Variants in EIF4G3 observed in about 807,000 individuals in gnomAD.
The protein encoded by EIF4G3 is eIF-4-gamma 3.
In EIF4G3, 34 loss-of-function variants were observed where a neutral mutation model predicts 186.4. That is an observed-to-expected ratio of 0.18 (90% CI 0.14 to 0.24). EIF4G3 has a LOEUF of 0.24. Among genes scored for constraint, EIF4G3 ranks in the 10% least tolerant of loss-of-function variants. EIF4G3 has a pLI of 1.00. For synonymous variants in EIF4G3, 673 were observed against 679.5 expected (o/e 0.99, Z 0.15); for missense variants, 1,536 against 1,948.5 (o/e 0.79, Z 3.99).
At chr1:21,157,007 A>G (rs2097673390) in intron 2 of EIF4G3, among the ~76,000 whole-genome samples, 2 of 152,146 alleles carry the variant, frequency 1.3e-5, no homozygotes, top group Non-Finnish European at 2.9e-5. Flanking sequence ...GCAGTGAGCC[A>G]TGATCGTACC....
intron 34 of EIF4G3, among the ~76,000 whole-genome samples, chr1:20,815,668 C>CT (rs2060491113): frequency 6.8e-6 from 1 of 147,038 alleles, no homozygotes. Flanking sequence ...GTCAGCCCCC[C>CT]GCCCGGCCAG....
intron 35 of EIF4G3, among the ~76,000 whole-genome samples, chr1:20,811,988 AT>A (rs1406120771): frequency 6.6e-6 from 1 of 152,224 alleles, no homozygotes; most frequent in Non-Finnish European, 1.5e-5. Context: ...GGCAGATAAC[AT>A]ACCTAATCTA....
In EIF4G3 at chr1:20,846,475, A is replaced by C. The variant is rs574380826; in HGVS notation, c.3888+2940T>G. The stretch of plus-strand genomic sequence containing the variant: ...TGCTTCTTTTTGTCTTTGAGCTTTT[A>C]GTTGAAATGATACTTCCTGTCTTCC... On this transcript the variant is annotated intron_variant, in intron 29 of 36. Transcript: ENST00000602326. Among the ~76,000 whole-genome samples, 11 of 152,272 alleles carry C rather than the reference A, an allele frequency of 7.2e-5. 1 individual carries two copies. In the South Asian group the frequency reaches 2.3e-3, roughly 32 times the overall value.
intron 23 of EIF4G3, 108 bp downstream of exon 23, chr1:20,862,120 G>T: frequency 1.6e-6 from 1 of 637,630 alleles, no homozygotes; most frequent in Non-Finnish European, 2.5e-6. Context: ...GAGTCCTGAA[G>T]CAAAAGCACT....
intron 12 of EIF4G3, among the ~76,000 whole-genome samples, chr1:20,963,486 G>T (rs1262081572): frequency 6.6e-6 from 1 of 152,044 alleles, no homozygotes; most frequent in East Asian, 1.9e-4. Context: ...AATGGTAGGA[G>T]AGATTGTATC....
At chr1:21,045,388 A>T (rs1019100377) in intron 4 of EIF4G3, among the ~76,000 whole-genome samples, 1 of 152,234 alleles carries the variant, frequency 6.6e-6, no homozygotes, top group Non-Finnish European at 1.5e-5. Context: ...ACAATAAAGT[A>T]TCTAACCAGT....
chr1:20,868,800 C>G lies in EIF4G3; in HGVS notation c.2623-3538G>C, dbSNP rs971835616. The stretch of plus-strand genomic sequence containing the variant: ...TGTTTTAGGAAGGCTGCTTGATAAG[C>G]TGAATTCACTAGAAAGCACCTAGCT... On this transcript the variant is annotated intron_variant, in intron 20 of 36. Coordinates refer to ENST00000602326, the MANE Select transcript of EIF4G3 (RefSeq NM_001391906.1). Among the ~76,000 whole-genome samples, 5 of 152,126 alleles carry G rather than the reference C, an allele frequency of 3.3e-5. No homozygotes were observed. In the East Asian group the frequency reaches 9.6e-4, roughly 29 times the overall value.
At chr1:21,022,535 CACA>C (rs1314521258) in intron 4 of EIF4G3, among the ~76,000 whole-genome samples, 3 of 152,170 alleles carry the variant, frequency 2.0e-5, no homozygotes, top group African/African-American at 4.8e-5. Flanking sequence ...TCTACCTCAC[CACA>C]ACATCAGGCT....
intron 2 of EIF4G3, among the ~76,000 whole-genome samples, chr1:21,114,780 G>A (rs1572765978): frequency 6.6e-6 from 1 of 152,154 alleles, no homozygotes; most frequent in South Asian, 2.1e-4. Context: ...CATTTTGTTT[G>A]TTTTCAATGT....
At chr1:20,991,746 G>C (rs368077074) in intron 7 of EIF4G3, among the ~76,000 whole-genome samples, 1 of 152,164 alleles carries the variant, frequency 6.6e-6, no homozygotes, top group South Asian at 2.1e-4. Context: ...GTCAGGAACA[G>C]GAGGTGTTCT....
chr1:21,171,197 T>C (rs1049897153), intron 2 of EIF4G3, among the ~76,000 whole-genome samples: 5 of 152,286 alleles, frequency 3.3e-5, no homozygotes, highest in Non-Finnish European at 7.4e-5. Flanking sequence ...AGTTTATCCA[T>C]TGCTTAAAGT....
rs533957298 is a variant in EIF4G3, at chr1:21,128,464, C to T, written c.-271-39251G>A. Among the ~76,000 whole-genome samples the T allele has an allele frequency of 2.0e-4, 30 of 151,698 alleles. No homozygotes were observed. The South Asian group carries it at 6.0e-3, about 31-fold the overall frequency. ...GGTGGAGGTTGCAGTGAGCCAAGAC[C>T]GTGCCACGCACTCCAGCCTGGGTGA... On this transcript the variant is annotated intron_variant, in intron 2 of 36. Transcript: ENST00000602326.
rs75889877 is a variant in EIF4G3 at position 20,919,334 on chromosome 1, G to A, written c.1664-14363C>T. 4.0e-3 allele frequency among the ~76,000 whole-genome samples: 606 copies of A among 152,070 alleles called. 6 individuals are homozygous for A. The highest frequency in any genetic ancestry group is 0.014 in the African/African-American group (564 of 41,490). ...GGTGATCCTCCCACCTCAGCCTCCC[G>A]TATAGCTGGAAGTACAGGTGCATGC... On this transcript the variant is annotated intron_variant, in intron 14 of 36. Coordinates refer to ENST00000602326, the MANE Select transcript of EIF4G3 (RefSeq NM_001391906.1).
intron 29 of EIF4G3, 27 bp downstream of exon 29, chr1:20,849,388 G>A: frequency 8.0e-7 from 1 of 1,251,508 alleles, no homozygotes; most frequent in Admixed American, 2.4e-5. Context: ...CTTACTGTGT[G>A]TGTGTTTTTT....
At chr1:20,815,635 G>C (rs1323938646) in intron 34 of EIF4G3, among the ~76,000 whole-genome samples, 1 of 146,282 alleles carries the variant, frequency 6.8e-6, no homozygotes, top group African/African-American at 2.5e-5. Flanking sequence ...CAGCCACCCC[G>C]TCCGGGAGGG....
intron 14 of EIF4G3, among the ~76,000 whole-genome samples, chr1:20,930,411 T>C (rs1196016321): frequency 6.6e-6 from 1 of 152,234 alleles, no homozygotes; most frequent in Non-Finnish European, 1.5e-5. Context: ...AAATCCTTTG[T>C]TGTCATGTCT....
At chr1:20,882,478 G>A (rs1004041220) in intron 19 of EIF4G3, among the ~76,000 whole-genome samples, 8 of 151,662 alleles carry the variant, frequency 5.3e-5, no homozygotes, top group Non-Finnish European at 7.4e-5. Context: ...AAAATTAGCC[G>A]GGCATGGTGG....
chr1:21,080,280 C>T (rs1022739737), intron 3 of EIF4G3, among the ~76,000 whole-genome samples: 3 of 150,640 alleles, frequency 2.0e-5, no homozygotes, highest in African/African-American at 7.3e-5. Context: ...CGTGCGACTG[C>T]ACTCCACCAT....
At chr1:21,136,808 T>C (rs2097254190) in intron 2 of EIF4G3, among the ~76,000 whole-genome samples, 1 of 152,162 alleles carries the variant, frequency 6.6e-6, no homozygotes, top group Non-Finnish European at 1.5e-5. Context: ...GTATTTACAC[T>C]TGAATATATT....
Sources: gnomAD v4.1 joint callset for allele counts (sites outside exome capture counted in the v4.1 genomes callset) on GRCh38, gnomAD v4.1.1 for gene constraint, MANE v1.5 for transcripts, NCBI Gene and HGNC (gene_info 2026-07-23, HGNC 2026-07-21) for gene names.